Variants in NDRG4 observed in about 807,000 individuals in gnomAD.
The protein encoded by NDRG4 is NDRG family member 4, also known as protein NDRG4.
Under a neutral mutation model 55.8 loss-of-function variants are expected in NDRG4, and 38 were observed. That is an observed-to-expected ratio of 0.68 (90% CI 0.53 to 0.89). NDRG4 has a LOEUF of 0.89. Among genes scored for constraint, NDRG4 ranks in the 40% least tolerant of loss-of-function variants. The pLI, the probability that NDRG4 is intolerant of heterozygous loss-of-function variation, is 0.00. For missense variants in NDRG4, 455 were observed against 468.6 expected, an observed-to-expected ratio of 0.97 and a Z score of 0.27; for synonymous variants, 190 against 182.7, an observed-to-expected ratio of 1.04 and a Z score of -0.32.
rs1243031503 is a variant in NDRG4 at position 58,467,447 on chromosome 16, C to G, written c.-24+3650C>G. 5.3e-5 allele frequency among the ~76,000 whole-genome samples: 8 copies of G among 152,200 alleles called. No individual in the cohort carries two copies. The East Asian group carries it at 1.5e-3, about 29-fold the overall frequency. The stretch of plus-strand genomic sequence containing the variant: ...ACTTGGACCTGGGAGAGGGAGGTTG[C>G]AGTGGGCCAAGATTGCACCACTGCA... On this transcript the variant is annotated intron_variant, in intron 1 of 15. Coordinates refer to the NDRG4 transcript ENST00000258187.
At chr16:58,489,852 T>TC (rs2035566033) in intron 2 of NDRG4, among the ~76,000 whole-genome samples, 1 of 152,100 alleles carries the variant, frequency 6.6e-6, no homozygotes, top group Non-Finnish European at 1.5e-5. Context: ...TCTTTTTTTT[T>TC]CTTTTCTTCT....
intron 1 of NDRG4, among the ~76,000 whole-genome samples, chr16:58,484,559 A>G (rs1045066690): frequency 4.6e-5 from 7 of 152,194 alleles, no homozygotes; most frequent in Non-Finnish European, 8.8e-5. Context: ...GAGAAGTAGA[A>G]GCATTTGGAT....
chr16:58,492,489 CGTGTGTGTGTGTGTGTGT>C (rs58901035), intron 2 of NDRG4, among the ~76,000 whole-genome samples: 12,071 of 123,952 alleles, frequency 0.097, 675 homozygotes, highest in East Asian at 0.14. Flanking sequence ...TCTGCTCCAC[CGTGTGTGTGTGTGTGTGT>C]GTGTGTGTGT....
At position 58,465,065 on chromosome 16, in the gene NDRG4, AGAG is replaced by A. The variant is rs942100278; in HGVS notation, c.-24+1273_-24+1275del. 5.2e-5 allele frequency: 67 copies of A among 1,281,392 alleles called. No homozygotes were observed. In the African/African-American group the frequency reaches 8.7e-4, roughly 17 times the overall value. 79.4% of individuals were successfully genotyped at this position (1,281,392 alleles called of 1,614,324 possible). A position where few individuals can be genotyped will look rare whatever the true frequency, so the allele number is the denominator to read the frequency against. On this transcript the variant is annotated intron_variant, in intron 1 of 15. Transcript: ENST00000258187. ...GGAGAGCAAGAGCGAACGGTCAGGA[AGAG>A]GAGGTGGGAAAGGGAGCAGGGACGG...
chr16:58,478,759 G>A (rs1380629868), intron 1 of NDRG4, among the ~76,000 whole-genome samples: 2 of 150,284 alleles, frequency 1.3e-5, no homozygotes, highest in Admixed American at 6.6e-5. Context: ...TAAAAGGGGG[G>A]AAAGTATTAT....
chr16:58,494,203 C>G (rs1156579831), intron 2 of NDRG4, among the ~76,000 whole-genome samples: 1 of 152,212 alleles, frequency 6.6e-6, no homozygotes, highest in Non-Finnish European at 1.5e-5. Context: ...AGAACACGCA[C>G]TAGCCAGACT....
downstream of NDRG4, among the ~76,000 whole-genome samples, chr16:58,514,763 A>C (rs1222385594): frequency 1.2e-5 from 1 of 83,670 alleles, no homozygotes; most frequent in South Asian, 5.1e-4. Flanking sequence ...AAAAAAAAAA[A>C]AAGGAAAAAA....
chr16:58,507,040 G>A (rs753597013), intron 8 of NDRG4, 25 bp downstream of exon 8: 1 of 1,587,922 alleles, frequency 6.3e-7, no homozygotes, highest in Non-Finnish European at 8.6e-7. Flanking sequence ...AGCAGCCCTG[G>A]GACCCAGCAC....
rs968959500 is a variant in NDRG4, at chr16:58,501,001, A to G, written c.21+732A>G. ...CTTATTTTGTAGGTGGGGGAAGGCAACGCTGGAGCCGTGAAGCTGGCAGGG... is the reference window on the plus strand; with the variant it reads ...CTTATTTTGTAGGTGGGGGAAGGCAGCGCTGGAGCCGTGAAGCTGGCAGGG... On this transcript the variant is annotated intron_variant, in intron 1 of 14. Coordinates refer to ENST00000570248, the MANE Select transcript of NDRG4 (RefSeq NM_001242835.2). 4.0e-6 allele frequency: 5 copies of G among 1,244,474 alleles called. No individual in the cohort carries two copies. The African/African-American group carries it at 7.7e-5, about 19-fold the overall frequency. The allele number at this position is 1,244,474 out of a possible 1,614,324, so 77.1% of individuals were successfully genotyped here.
intron 1 of NDRG4, 83 bp downstream of exon 1, chr16:58,500,352 C>T (rs1453123364): frequency 6.7e-7 from 1 of 1,494,950 alleles, no homozygotes; most frequent in Non-Finnish European, 8.9e-7. Context: ...AAGTGCCCCC[C>T]TCAACCCACA....
chr16:58,510,662 C>G lies in NDRG4; in HGVS notation c.883C>G (p.Arg295Gly). The change falls in exon 14 of 15, where the codon CGA (arginine) becomes GGA (glycine). Residue 295 changes from arginine to glycine, a missense_variant. Physicochemically the swap from Arg to Gly is moderately radical, Grantham distance 125. Coordinates refer to ENST00000570248, the MANE Select transcript of NDRG4 (RefSeq NM_001242835.2). Reference protein sequence around the residue: ...GMGYIAYLKDRRLSGGAVPSA... With the variant: ...GMGYIAYLKDGRLSGGAVPSA... ...TCTCTTAGTTGCGTACTTGAAGGAC[C>G]GAAGGCTGAGTGGAGGAGCAGGTAG... The G allele has an allele frequency of 6.5e-7, 1 of 1,536,046 alleles. No individual in the cohort carries two copies. Among genetic ancestry groups the G allele is most frequent in the Non-Finnish European group, 8.7e-7 (1 of 1,146,906 alleles).
intron 2 of NDRG4, among the ~76,000 whole-genome samples, chr16:58,492,489 C>CGTGTGTGTGT (rs58901035): frequency 1.6e-5 from 2 of 123,942 alleles, no homozygotes; most frequent in South Asian, 2.8e-4. Context: ...TCTGCTCCAC[C>CGTGTGTGTGT]GTGTGTGTGT....
chr16:58,474,028 CTTTTTTTTTTT>C lies in NDRG4; in HGVS notation c.-24+10247_-24+10257del, dbSNP rs1168834628. Among the ~76,000 whole-genome samples the C allele has an allele frequency of 1.5e-4, 15 of 101,208 alleles. No homozygotes were observed. The South Asian group carries it at 2.6e-3, about 17-fold the overall frequency. 66.4% of individuals were successfully genotyped at this position (101,208 alleles called of 152,430 possible). A position where few individuals can be genotyped will look rare whatever the true frequency, so the allele number is the denominator to read the frequency against. ...GTTTTTTCACTTTTCTTTTCTTTCC[CTTTTTTTTTTT>C]TTTTTTTTTTTTTTTGAGAGAGAAT... is the stretch of plus-strand genomic sequence containing the variant. On this transcript the variant is annotated intron_variant, in intron 1 of 15. Transcript: ENST00000258187.
At chr16:58,510,539 C>T in intron 13 of NDRG4, 106 bp from the exon 14 acceptor site, 2 of 959,470 alleles carry the variant, frequency 2.1e-6, no homozygotes, top group Non-Finnish European at 3.2e-6. Flanking sequence ...TCCTTTGTCC[C>T]ATCTCTCTGG....
At chr16:58,505,320 G>A (rs1300840770) in intron 5 of NDRG4, among the ~76,000 whole-genome samples, 2 of 151,132 alleles carry the variant, frequency 1.3e-5, no homozygotes, top group Admixed American at 6.6e-5. Context: ...CTGCACTCCA[G>A]CCTGGGCAAC....
Position 58,507,984 on chromosome 16 carries a change from C to T in NDRG4, c.714C>T (p.Pro238=), listed in dbSNP as rs139129118. 106 of 1,581,112 alleles carry T rather than the reference C, an allele frequency of 6.7e-5. No individual in the cohort carries two copies. In the African/African-American group the frequency reaches 6.8e-4, roughly 10 times the overall value. ...PVMLVVGDNA[P]AEDGVVECNS... ...TGCTGGTGGTTGGGGATAATGCACC[C>T]GCTGAGGACGGGGTGGTAAGTGAGG... is the stretch of plus-strand genomic sequence containing the variant. Residue 238 remains proline (P), a synonymous_variant, in exon 10 of 15, where the codon CCC becomes CCT. Transcript: ENST00000570248.
In NDRG4 at chr16:58,509,287, C is replaced by T. The variant is rs1177365320; in HGVS notation, c.814-14C>T. The T allele has an allele frequency of 6.2e-7, 1 of 1,613,924 alleles. No individual in the cohort carries two copies. The highest frequency in any genetic ancestry group is 1.3e-5 in the African/African-American group (1 of 74,936). On this transcript the variant is annotated splice_polypyrimidine_tract_variant and intron_variant, in intron 12 of 14. Coordinates refer to ENST00000570248, the MANE Select transcript of NDRG4 (RefSeq NM_001242835.2). ...GCAGCCAATGAAAGCATGTGCTTGTCCTGCCCTCCGCAGCCAGGGAAGCTG... is the reference window on the plus strand; with the variant it reads ...GCAGCCAATGAAAGCATGTGCTTGTTCTGCCCTCCGCAGCCAGGGAAGCTG...
chr16:58,487,552 A>G (rs893476934), intron 1 of NDRG4, among the ~76,000 whole-genome samples: 2 of 152,164 alleles, frequency 1.3e-5, no homozygotes, highest in Non-Finnish European at 2.9e-5. Context: ...AAAAACAAAT[A>G]CTATAATGGT....
intron 1 of NDRG4, among the ~76,000 whole-genome samples, chr16:58,470,906 CCAAAA>C (rs1312835297): frequency 3.8e-5 from 3 of 79,776 alleles, no homozygotes; most frequent in African/African-American, 6.2e-5. Flanking sequence ...GACACCATCT[CCAAAA>C]AAAAAAAAAA....
Sources: allele counts gnomAD v4.1 joint callset (sites outside exome capture counted in the v4.1 genomes callset), GRCh38; gene constraint gnomAD v4.1.1; transcripts MANE v1.5; gene names NCBI Gene and HGNC (gene_info 2026-07-23, HGNC 2026-07-21).